EXD3: variants seen among roughly 807,000 people sequenced by gnomAD.
EXD3 encodes the protein exonuclease mut-7 homolog.
EXD3 carries 92 observed loss-of-function variants against 98.0 expected under a neutral mutation model. The observed-to-expected ratio is 0.94, with a 90% CI of 0.79 to 1.12. The LOEUF (loss-of-function observed/expected upper bound fraction) is 1.12, where lower values mean the gene tolerates loss of function less well. EXD3 is among the 50% of genes most tolerant of loss of function. EXD3 has a pLI of 0.00. For missense variants in EXD3, 1,222 were observed against 1,191.6 expected (o/e 1.03, Z -0.38); for synonymous variants, 569 against 526.0 (o/e 1.08, Z -1.12).
At chr9:137,328,921 A>G (rs1252999615) in intron 17 of EXD3, among the ~76,000 whole-genome samples, 2 of 37,862 alleles carry the variant, frequency 5.3e-5, no homozygotes, top group Non-Finnish European at 8.9e-5. Context: ...GTCACACGGG[A>G]CTACACGGGA....
At position 137,349,212 on chromosome 9, in the gene EXD3, C is replaced by A; in HGVS notation, c.1728G>T (p.Ser576=). 1 of 1,583,232 alleles carries A rather than the reference C, an allele frequency of 6.3e-7. No homozygotes were observed. Among genetic ancestry groups the A allele is most frequent in the Non-Finnish European group, 8.5e-7 (1 of 1,171,024 alleles). Residue 576 remains serine, a synonymous_variant, in exon 16 of 22, where the codon TCG becomes TCT. Transcript: ENST00000340951. This position sits in a 1 kb window ranked among gnomAD's most constrained non-coding sequence, Gnocchi z 7.4. ...GCCTCCGGCTCCCAGCCAGGTCCTC[C>A]GACAGGTGGAAGCGGGCGGGCTCTC... ...LCREPARFHL[S]EDLAGSRRPR...
chr9:137,408,796 T>C (rs1837859329), intron 1 of EXD3, among the ~76,000 whole-genome samples: 1 of 152,160 alleles, frequency 6.6e-6, no homozygotes, highest in East Asian at 1.9e-4. Flanking sequence ...AGACCCACCC[T>C]GTACAGGGAA....
At chr9:137,377,846 T>C (rs1047957733) in intron 3 of EXD3, among the ~76,000 whole-genome samples, 2 of 132,782 alleles carry the variant, frequency 1.5e-5, no homozygotes, top group African/African-American at 5.8e-5. Flanking sequence ...CAGGCTGGAG[T>C]GCAGTGGTGC....
intron 2 of EXD3, among the ~76,000 whole-genome samples, chr9:137,383,629 C>T (rs1046205029): frequency 6.6e-5 from 10 of 152,240 alleles, no homozygotes; most frequent in African/African-American, 2.4e-4. Context: ...ACTTCAACCA[C>T]GCTCAGCCCT....
intron 17 of EXD3, chr9:137,343,573 A>ATATTTT (rs1564493044): frequency 8.9e-5 from 2 of 22,548 alleles, no homozygotes; most frequent in Admixed American, 5.8e-4. Context: ...GGACTACTGT[A>ATATTTT]TCTTTTTTTT....
In EXD3 at chr9:137,357,216, C is replaced by G. The variant is rs543545954; in HGVS notation, c.657-848G>C. 2.0e-5 allele frequency: 3 copies of G among 152,316 alleles called. No individual in the cohort carries two copies. The East Asian group carries it at 5.8e-4, about 29-fold the overall frequency. The allele number at this position is 152,316 out of a possible 1,614,324, so 9.4% of individuals were successfully genotyped here. ...AGAAACTTCATGACAACGTGCCCCA[C>G]AGGGGGTCTCTCTCCACCCACCTTT... On this transcript the variant is annotated intron_variant, in intron 7 of 21. Coordinates refer to ENST00000340951, the MANE Select transcript of EXD3 (RefSeq NM_017820.5).
chr9:137,384,248 C>A (rs1012701350), intron 2 of EXD3, among the ~76,000 whole-genome samples: 1 of 152,206 alleles, frequency 6.6e-6, no homozygotes, highest in Non-Finnish European at 1.5e-5. Context: ...CAGATCAGAC[C>A]TCAGCAGCTG....
intron 17 of EXD3, among the ~76,000 whole-genome samples, chr9:137,338,836 T>C (rs1270064581): frequency 1.1e-4 from 15 of 141,652 alleles, no homozygotes; most frequent in Non-Finnish European, 1.9e-4. Context: ...GAGCTTGTAG[T>C]GAGCCAAGAT....
At chr9:137,335,149 G>A (rs1371229219) in intron 17 of EXD3, among the ~76,000 whole-genome samples, 1 of 151,602 alleles carries the variant, frequency 6.6e-6, no homozygotes, top group Non-Finnish European at 1.5e-5. Flanking sequence ...TGCAAACTAT[G>A]CATCTAACGA....
chr9:137,342,808 A>G (rs1044940194), intron 17 of EXD3, among the ~76,000 whole-genome samples: 1 of 152,192 alleles, frequency 6.6e-6, no homozygotes, highest in Non-Finnish European at 1.5e-5. Flanking sequence ...ACATATGGAA[A>G]GATGCTCAAC....
intron 3 of EXD3, among the ~76,000 whole-genome samples, chr9:137,382,122 T>TCA (rs1836333455): frequency 1.2e-5 from 1 of 85,672 alleles, no homozygotes; most frequent in East Asian, 3.0e-4. Flanking sequence ...GCGGTGGAGG[T>TCA]GAGGGCGCGG....
chr9:137,376,170 T>C (rs1343775330), intron 3 of EXD3, among the ~76,000 whole-genome samples: 3 of 151,236 alleles, frequency 2.0e-5, no homozygotes, highest in South Asian at 2.1e-4. Context: ...CAGTGAAACC[T>C]CGTCTCTACT....
Position 137,361,538 on chromosome 9 carries a change from G to A in EXD3, c.656+4955C>T, listed in dbSNP as rs1051085111. On this transcript the variant is annotated intron_variant, in intron 7 of 21. Transcript: ENST00000340951. ...CAAGGTGGGTGGATTACGAGGTCAGGAGATCGAGACCATCCTGGCTAACAT... is the reference window on the plus strand; with the variant it reads ...CAAGGTGGGTGGATTACGAGGTCAGAAGATCGAGACCATCCTGGCTAACAT... Among the ~76,000 whole-genome samples, 23 of 132,070 alleles carry A rather than the reference G, an allele frequency of 1.7e-4. 4 individuals are homozygous for A. The highest frequency in any genetic ancestry group is 5.6e-4 in the African/African-American group (21 of 37,626). The allele number at this position is 132,070 out of a possible 152,430, so 86.6% of individuals were successfully genotyped here. A position where few individuals can be genotyped will look rare whatever the true frequency, so the allele number is the denominator to read the frequency against.
At chr9:137,379,638 C>T (rs978258504) in intron 3 of EXD3, among the ~76,000 whole-genome samples, 6 of 151,982 alleles carry the variant, frequency 3.9e-5, no homozygotes, top group African/African-American at 1.5e-4. Context: ...CGACTGGGCG[C>T]TCCAGGCCAT....
chr9:137,317,561 C>T (rs1394053318), intron 19 of EXD3, among the ~76,000 whole-genome samples: 2 of 152,108 alleles, frequency 1.3e-5, no homozygotes, highest in African/African-American at 4.8e-5. Context: ...TGGCTGAGAC[C>T]CACAGCTTTT....
intron 19 of EXD3, among the ~76,000 whole-genome samples, chr9:137,312,571 C>T (rs949470323): frequency 6.6e-6 from 1 of 152,146 alleles, no homozygotes; most frequent in African/African-American, 2.4e-5. Flanking sequence ...TCTGAGTGGA[C>T]GCCCACCCTC....
At chr9:137,363,399 G>A (rs536409697) in intron 7 of EXD3, among the ~76,000 whole-genome samples, 16 of 146,142 alleles carry the variant, frequency 1.1e-4, no homozygotes, top group East Asian at 1.0e-3. Flanking sequence ...GTGCAGTGGC[G>A]TGATCTCGGC....
chr9:137,307,707 CG>C, intron 20 of EXD3, 61 bp from the exon 21 acceptor site: 33 of 1,585,244 alleles, frequency 2.1e-5, no homozygotes, highest in Non-Finnish European at 2.7e-5. Context: ...TGGCAGCCAG[CG>C]GGGTCCATGA....
intron 2 of EXD3, among the ~76,000 whole-genome samples, chr9:137,386,764 C>CCCTGCTCCCTGCCTGGCCCCCTCAGCACA (rs1836612617): frequency 2.0e-5 from 3 of 149,550 alleles, no homozygotes; most frequent in Admixed American, 1.3e-4. Context: ...CCCTCAGCAC[C>CCCTGCTCCCTGCCTGGCCCCCTCAGCACA]CCTGCTCCCT....
Sources: gnomAD v4.1 joint callset for allele counts (sites outside exome capture counted in the v4.1 genomes callset) on GRCh38, gnomAD v4.1.1 for gene constraint, Gnocchi (gnomAD v3.1) non-coding constraint, MANE v1.5 for transcripts, NCBI Gene and HGNC (gene_info 2026-07-23, HGNC 2026-07-21) for gene names.